RPF1: variants seen among roughly 807,000 people sequenced by gnomAD.
RPF1 encodes the protein ribosome production factor 1.
RPF1 carries 34 observed loss-of-function variants against 41.9 expected under a neutral mutation model. The observed-to-expected ratio is 0.81, with a 90% CI of 0.62 to 1.08. The LOEUF (loss-of-function observed/expected upper bound fraction) is 1.08. Ranked by LOEUF, RPF1 falls within the 50% of genes least tolerant of loss-of-function variation. The probability of loss-of-function intolerance (pLI) is 0.00; values close to 1 mark genes in which losing one functional copy is unlikely to be tolerated. For synonymous variants in RPF1, 140 were observed against 148.9 expected, an observed-to-expected ratio of 0.94 and a Z score of 0.43; for missense variants, 425 against 435.2, an observed-to-expected ratio of 0.98 and a Z score of 0.21.
At position 84,496,248 on chromosome 1, in the gene RPF1, A is replaced by G. The variant is rs1233802895; in HGVS notation, c.886A>G (p.Ile296Val). Residue 296 changes from isoleucine to valine, a missense_variant, in exon 8 of 9, where the codon ATA becomes GTA. Coordinates refer to ENST00000370654, the MANE Select transcript of RPF1 (RefSeq NM_025065.7). ...DYIFFRFHRY[I>V]FRSEKKVGIQ... ...TAACTCTTTTTGTCTTTGAAGATAC[A>G]TATTCAGGAGTGAAAAGAAAGTGGG... 1.2e-6 allele frequency: 2 copies of G among 1,611,790 alleles called. No homozygotes were observed. The highest frequency in any genetic ancestry group is 2.2e-5 in the South Asian group (2 of 90,640).
In RPF1 at chr1:84,489,690, C is replaced by G; in HGVS notation, c.424C>G (p.Pro142Ala). 5 of 1,608,768 alleles carry G rather than the reference C, an allele frequency of 3.1e-6. No homozygotes were observed. The highest frequency in any genetic ancestry group is 4.3e-6 in the Non-Finnish European group (5 of 1,175,264). The change falls in exon 4 of 9, where the codon CCC (proline) becomes GCC (alanine). Residue 142 changes from proline to alanine, a missense_variant. Physicochemically the swap from Pro to Ala is conservative, Grantham distance 27. Coordinates refer to ENST00000370654, the MANE Select transcript of RPF1 (RefSeq NM_025065.7). ...TTCTTACTTCAACAAACAGACTTCTCCCAAGATTCTCATCACAACATCAGA... is the reference window on the plus strand; with the variant it reads ...TTCTTACTTCAACAAACAGACTTCTGCCAAGATTCTCATCACAACATCAGA... ...FASYFNKQTS[P>A]KILITTSDRP...
intron 4 of RPF1, among the ~76,000 whole-genome samples, chr1:84,489,967 A>C (rs1304447471): frequency 6.6e-6 from 1 of 152,186 alleles, no homozygotes; most frequent in African/African-American, 2.4e-5. Context: ...TGTTATGGTG[A>C]GCTATCCTGT....
chr1:84,493,323 C>T (rs992064369), intron 5 of RPF1, among the ~76,000 whole-genome samples: 2 of 134,284 alleles, frequency 1.5e-5, no homozygotes, highest in African/African-American at 3.0e-5. Context: ...GCATGGTAGG[C>T]ACTACTATCA....
chr1:84,487,278 G>A (rs1249240142), intron 3 of RPF1, among the ~76,000 whole-genome samples: 1 of 152,186 alleles, frequency 6.6e-6, no homozygotes, highest in Non-Finnish European at 1.5e-5. Context: ...CAAGAGTAGT[G>A]TTCCTGCTCA....
At chr1:84,489,047 A>G (rs1302605045) in intron 3 of RPF1, among the ~76,000 whole-genome samples, 1 of 151,754 alleles carries the variant, frequency 6.6e-6, no homozygotes, top group African/African-American at 2.4e-5. Flanking sequence ...TTTGTTTTCT[A>G]ATTCATTTAT....
chr1:84,479,589 T>C, intron 1 of RPF1, 80 bp downstream of exon 1: 2 of 1,347,542 alleles, frequency 1.5e-6, no homozygotes, highest in East Asian at 2.3e-5. Flanking sequence ...ACATCTGTGG[T>C]TGTCTGCTGG....
intron 8 of RPF1, 125 bp from the exon 9 acceptor site, chr1:84,497,304 C>T: frequency 1.5e-6 from 1 of 685,328 alleles, no homozygotes; most frequent in Non-Finnish European, 2.5e-6. Context: ...TCGCACAAAC[C>T]CGGTTTTTCA....
At chr1:84,495,180 T>C (rs2101887728) in intron 5 of RPF1, among the ~76,000 whole-genome samples, 193 bp from the exon 6 acceptor site, 1 of 152,230 alleles carries the variant, frequency 6.6e-6, no homozygotes, top group East Asian at 1.9e-4. Flanking sequence ...TAGGTTAGTC[T>C]ATATTCTTGA....
chr1:84,479,932 G>T (rs147843201), intron 1 of RPF1, among the ~76,000 whole-genome samples: 6 of 152,276 alleles, frequency 3.9e-5, no homozygotes, highest in Non-Finnish European at 7.4e-5. Flanking sequence ...TCCTGCAGGA[G>T]CTCCTTACCG....
At position 84,494,257 on chromosome 1, in the gene RPF1, G is replaced by A. The variant is rs143654745; in HGVS notation, c.617-1116G>A. Among the ~76,000 whole-genome samples, 1,086 of 152,326 alleles carry A rather than the reference G, an allele frequency of 7.1e-3. 11 individuals carry two copies. The highest frequency in any genetic ancestry group is 0.015 in the South Asian group (72 of 4,828). On this transcript the variant is annotated intron_variant, in intron 5 of 8. Transcript: ENST00000370654. ...ACAGTAAGGGTAAAGAGGATGCTAA[G>A]TGAGAACTTCTGAAGGTAAAAGCAG...
Position 84,495,394 on chromosome 1 carries a change from T to C in RPF1, c.638T>C (p.Leu213Ser). Residue 213 changes from leucine to serine, a missense_variant, in exon 6 of 9, where the codon TTG becomes TCG. Transcript: ENST00000370654. Reference protein sequence around the residue: ...KTPNGLILSHLPNGPTAHFKM... With the variant: ...KTPNGLILSHSPNGPTAHFKM... ...ACAGATGGACTTATTTTGAGTCACT[T>C]GCCAAATGGCCCAACTGCTCATTTT... 6.6e-7 allele frequency: 1 copy of C among 1,519,732 alleles called. No individual in the cohort carries two copies. The highest frequency in any genetic ancestry group is 9.0e-7 in the Non-Finnish European group (1 of 1,105,850). 94.1% of individuals were successfully genotyped at this position (1,519,732 alleles called of 1,614,324 possible).
At chr1:84,493,846 G>C (rs1308784621) in intron 5 of RPF1, among the ~76,000 whole-genome samples, 3 of 152,054 alleles carry the variant, frequency 2.0e-5, no homozygotes, top group Non-Finnish European at 4.4e-5. Context: ...ACATAAGACT[G>C]TGAGTACCTA....
At chr1:84,492,836 A>G (rs574850201) in intron 5 of RPF1, among the ~76,000 whole-genome samples, 1 of 152,224 alleles carries the variant, frequency 6.6e-6, no homozygotes, top group Non-Finnish European at 1.5e-5. Context: ...CTGACAAACA[A>G]AATGCCTCTG....
intron 3 of RPF1, among the ~76,000 whole-genome samples, chr1:84,487,008 T>C (rs1681750481): frequency 6.6e-6 from 1 of 152,134 alleles, no homozygotes; most frequent in African/African-American, 2.4e-5. Flanking sequence ...GCATATATTA[T>C]GTTTGAGATG....
At chr1:84,488,857 TATTA>T (rs971525217) in intron 3 of RPF1, among the ~76,000 whole-genome samples, 11 of 152,294 alleles carry the variant, frequency 7.2e-5, no homozygotes, top group Admixed American at 7.2e-4. Flanking sequence ...AAATTGGATT[TATTA>T]ATTCTTTGCT....
chr1:84,483,092 G>C, intron 3 of RPF1, 97 bp downstream of exon 3: 1 of 727,942 alleles, frequency 1.4e-6, no homozygotes, highest in Non-Finnish European at 2.4e-6. Context: ...TGGCCAAGTT[G>C]CATAATGGAC....
Position 84,479,345 on chromosome 1 carries a change from GC to G in RPF1, c.66del (p.Glu23LysfsTer43). On this transcript the variant is annotated frameshift_variant, in exon 1 of 9. Transcript: ENST00000370654. LOFTEE classifies it high-confidence loss of function. ...GAAAAGTCTAAAACGGAAAGCCGCT[GC>G]CGAAGAACTTCAGGAGGCTGCAGGC... ...GKKSLKRKAA[A>X]EELQEAAGAG... is the part of the protein sequence containing the mutation. 6.2e-7 allele frequency: 1 copy of G among 1,613,014 alleles called. No individual in the cohort carries two copies. Among genetic ancestry groups the G allele is most frequent in the Non-Finnish European group, 8.5e-7 (1 of 1,179,538 alleles).
chr1:84,485,591 A>G (rs1216184483), intron 3 of RPF1, among the ~76,000 whole-genome samples: 2 of 152,214 alleles, frequency 1.3e-5, no homozygotes, highest in Non-Finnish European at 2.9e-5. Context: ...AACCTGTGCC[A>G]TGAATATTAT....
chr1:84,494,658 A>AC (rs1046489265), intron 5 of RPF1, among the ~76,000 whole-genome samples: 3 of 152,230 alleles, frequency 2.0e-5, no homozygotes, highest in African/African-American at 7.2e-5. Context: ...AGTTTGCAGC[A>AC]CCCAGGACTT....
Sources: gnomAD v4.1 joint callset for allele counts (sites outside exome capture counted in the v4.1 genomes callset) on GRCh38, gnomAD v4.1.1 for gene constraint, MANE v1.5 for transcripts, NCBI Gene and HGNC (gene_info 2026-07-23, HGNC 2026-07-21) for gene names.